NTRK1: variants seen among roughly 807,000 people sequenced by gnomAD.
NTRK1 encodes neurotrophic receptor tyrosine kinase 1.
NTRK1 carries 62 observed loss-of-function variants against 86.8 expected under a neutral mutation model. The ratio of observed to expected loss-of-function variants is 0.71; its 90% CI spans 0.58 to 0.88. The LOEUF is 0.88. Ranked by LOEUF, NTRK1 falls within the 40% of genes least tolerant of loss-of-function variation. NTRK1 has a pLI of 0.00. For synonymous variants in NTRK1, 469 were observed against 456.6 expected (o/e 1.03, Z -0.35); for missense variants, 967 against 1,078.4 (o/e 0.90, Z 1.45).
chr1:156,849,734 C>G (rs896629041), intron 2 of NTRK1, among the ~76,000 whole-genome samples: 1 of 152,068 alleles, frequency 6.6e-6, no homozygotes, highest in African/African-American at 2.4e-5. Context: ...TCCCTCGACT[C>G]TCTTTGAACT....
chr1:156,868,122 T>G lies in NTRK1; in HGVS notation c.447T>G (p.Pro149=). 1 of 1,613,968 alleles carries G rather than the reference T, an allele frequency of 6.2e-7. No individual in the cohort carries two copies. The stretch of plus-strand genomic sequence containing the variant: ...CCCCCAGGGTCCTGTCGGGGAACCC[T>G]CTGCACTGTTCTTGTGCCCTGCGCT... ...SLQELVLSGN[P]LHCSCALRWL... Residue 149 remains proline, a synonymous_variant, in exon 5 of 17, where the codon CCT becomes CCG. Transcript: ENST00000524377.
intron 2 of NTRK1, chr1:156,844,797 G>A: frequency 6.2e-7 from 1 of 1,614,146 alleles, no homozygotes; most frequent in Non-Finnish European, 8.5e-7. Context: ...CACTGTTCTT[G>A]CTGGAGGCCT....
intron 1 of NTRK1, among the ~76,000 whole-genome samples, chr1:156,816,498 A>G (rs1165796200): frequency 1.3e-5 from 2 of 152,154 alleles, no homozygotes; most frequent in African/African-American, 2.4e-5. Context: ...ATCCTCAGGG[A>G]TGAGTGGGCA....
intron 1 of NTRK1, among the ~76,000 whole-genome samples, chr1:156,839,803 G>A (rs1654707793): frequency 6.6e-6 from 1 of 152,166 alleles, no homozygotes; most frequent in East Asian, 1.9e-4. Context: ...GGTTCTGCTT[G>A]GAGGCTAGAC....
intron 1 of NTRK1, among the ~76,000 whole-genome samples, chr1:156,832,871 T>G (rs984253639): frequency 2.0e-5 from 3 of 152,260 alleles, no homozygotes; most frequent in Admixed American, 2.0e-4. Context: ...CTACATGTCT[T>G]CTCTCCCAGC....
In NTRK1 at chr1:156,871,654, C is replaced by A; in HGVS notation, c.749C>A (p.Thr250Asn). The change falls in exon 7 of 17, where the codon ACC becomes AAC. Residue 250 changes from threonine (T) to asparagine (N), a missense_variant. Coordinates refer to ENST00000524377, the MANE Select transcript of NTRK1 (RefSeq NM_002529.4). ...GGGGGTCTGCCATCCCTGGGGCTGA[C>A]CCTGGCCAATGTCACCAGTGACCTC... is the stretch of plus-strand genomic sequence containing the variant. ...KSGGLPSLGLTLANVTSDLNR... is the reference protein window; with the variant it reads ...KSGGLPSLGLNLANVTSDLNR... 1.2e-6 allele frequency: 2 copies of A among 1,614,162 alleles called. No homozygotes were observed. Among genetic ancestry groups the A allele is most frequent in the African/African-American group, 2.7e-5 (2 of 75,018 alleles).
intron 2 of NTRK1, chr1:156,848,984 C>T (rs1655108219): frequency 6.2e-7 from 1 of 1,611,166 alleles, no homozygotes; most frequent in Non-Finnish European, 8.5e-7. Flanking sequence ...ATAGCGCTCC[C>T]AGCGTAGCAG....
intron 1 of NTRK1, 33 bp downstream of exon 1, chr1:156,861,179 G>T: frequency 6.5e-7 from 1 of 1,535,486 alleles, no homozygotes; most frequent in Non-Finnish European, 8.7e-7. Context: ...GGGGGCGCGG[G>T]GACAGGCAGG....
intron 2 of NTRK1, chr1:156,845,651 T>C: frequency 6.2e-7 from 1 of 1,610,712 alleles, no homozygotes; most frequent in Non-Finnish European, 8.5e-7. Flanking sequence ...GTAGAAAGTT[T>C]TCAAACTTCT....
intron 1 of NTRK1, among the ~76,000 whole-genome samples, chr1:156,826,442 A>C (rs1057334616): frequency 2.0e-5 from 3 of 151,886 alleles, no homozygotes; most frequent in African/African-American, 4.8e-5. Context: ...CTGGGACTAC[A>C]GGTGTCCACC....
chr1:156,850,847 G>A lies in NTRK1; in HGVS notation c.50+8654G>A, dbSNP rs368226321. ...GCAGGGATTACAGGTGTGAGCCACC[G>A]TGCCTGGCTCATTCTTTTTATTTTA... On this transcript the variant is annotated intron_variant, in intron 2 of 16. Coordinates refer to the NTRK1 transcript ENST00000392302. 2.9e-4 allele frequency among the ~76,000 whole-genome samples: 44 copies of A among 152,222 alleles called. No individual in the cohort carries two copies. The East Asian group carries it at 7.1e-3, about 25-fold the overall frequency.
At chr1:156,817,047 T>TTCTCCCTCTCTCTC (rs148320709) in intron 1 of NTRK1, among the ~76,000 whole-genome samples, 54 of 113,782 alleles carry the variant, frequency 4.7e-4, no homozygotes, top group Non-Finnish European at 4.8e-4. Flanking sequence ...GAACTTCCCT[T>TTCTCCCTCTCTCTC]TCTCTCTCTC....
chr1:156,880,816 A>T (rs886867256), intron 16 of NTRK1, among the ~76,000 whole-genome samples: 1 of 152,216 alleles, frequency 6.6e-6, no homozygotes, highest in Non-Finnish European at 1.5e-5. Context: ...GGAGGGGGGA[A>T]GAAGGGGAAA....
In NTRK1 at chr1:156,842,477, T is replaced by C. The variant is rs747115360; in HGVS notation, c.50+284T>C. ...TAACTCCATGATGACCAGAGTTGGC[T>C]GGCCCTGAGATACCACACCCAGGAG... On this transcript the variant is annotated intron_variant, in intron 2 of 16. Transcript: ENST00000392302. 2.5e-6 allele frequency: 4 copies of C among 1,614,126 alleles called. No homozygotes were observed. In the East Asian group the frequency reaches 6.7e-5, roughly 27 times the overall value.
At position 156,821,491 on chromosome 1, in the gene NTRK1, GTGTA is replaced by G. The variant is rs1286563047; in HGVS notation, c.-64+5657_-64+5660del. On this transcript the variant is annotated intron_variant, in intron 1 of 16. Coordinates refer to the NTRK1 transcript ENST00000392302. ...TGTGTGTGTGTGTGTGTGTGTGTGTGTGTATGTGTAGGGGGTTGAGATGTCAGAA... is the reference window on the plus strand; with the variant it reads ...TGTGTGTGTGTGTGTGTGTGTGTGTGTGTGTAGGGGGTTGAGATGTCAGAA... Among the ~76,000 whole-genome samples the G allele has an allele frequency of 2.7e-3, 393 of 147,682 alleles. 6 individuals are homozygous for G. The highest frequency in any genetic ancestry group is 9.2e-3 in the African/African-American group (371 of 40,128).
chr1:156,866,816 C>T, intron 3 of NTRK1, 94 bp from the exon 4 acceptor site: 1 of 1,310,536 alleles, frequency 7.6e-7, no homozygotes, highest in South Asian at 1.2e-5. Context: ...AGCCAGATGT[C>T]AACTTCTTTC....
At chr1:156,875,162 G>A (rs1647823502) in intron 11 of NTRK1, among the ~76,000 whole-genome samples, 154 bp downstream of exon 11, 1 of 151,990 alleles carries the variant, frequency 6.6e-6, no homozygotes, top group Non-Finnish European at 1.5e-5. Context: ...TGGCTGTGAG[G>A]CTTGTGAGTG....
rs753555829 is a variant in NTRK1 at position 156,871,786 on chromosome 1, C to A, written c.850+31C>A. ...TCTCAGTGGCAGCTCCGGCACCCAC[C>A]CCCTACTCATCTCTTCTTCCCTCAA... On this transcript the variant is annotated intron_variant, in intron 7 of 16. Transcript: ENST00000524377. The A allele has an allele frequency of 2.6e-5, 42 of 1,613,784 alleles. No homozygotes were observed. The Admixed American group carries it at 7.0e-4, about 27-fold the overall frequency.
At chr1:156,880,976 A>G (rs1456086254) in intron 16 of NTRK1, among the ~76,000 whole-genome samples, 1 of 152,164 alleles carries the variant, frequency 6.6e-6, no homozygotes, top group Admixed American at 6.5e-5. Context: ...ACAGAGTGGT[A>G]TCCCTAGAAG....
Sources: gnomAD v4.1 joint callset for allele counts (sites outside exome capture counted in the v4.1 genomes callset) on GRCh38, gnomAD v4.1.1 for gene constraint, MANE v1.5 for transcripts, NCBI Gene and HGNC (gene_info 2026-07-23, HGNC 2026-07-21) for gene names.